The following SLC9A9 variants were observed in gnomAD, a reference collection of about 807,000 sequenced individuals.
SLC9A9 encodes sodium/hydrogen exchanger 9.
SLC9A9 carries 62 observed loss-of-function variants against 77.8 expected under a neutral mutation model. The ratio of observed to expected loss-of-function variants is 0.80; its 90% confidence interval spans 0.65 to 0.98. The LOEUF is 0.98. Ranked by LOEUF, SLC9A9 falls within the 50% of genes least tolerant of loss-of-function variation. The pLI, the probability that SLC9A9 is intolerant of heterozygous loss-of-function variation, is 0.00. For missense variants in SLC9A9, 775 were observed against 774.9 expected (o/e 1.00, Z 0.00); for synonymous variants, 320 against 283.5 (o/e 1.13, Z -1.29).
chr3:143,469,770 C>A (rs1024196195), intron 11 of SLC9A9, among the ~76,000 whole-genome samples: 1 of 152,138 alleles, frequency 6.6e-6, no homozygotes, highest in African/African-American at 2.4e-5. Flanking sequence ...TTATAAAATA[C>A]CTTCAAGGAA....
intron 4 of SLC9A9, among the ~76,000 whole-genome samples, chr3:143,694,922 C>T (rs563969378): frequency 1.9e-4 from 29 of 152,136 alleles, no homozygotes; most frequent in Admixed American, 7.9e-4. Flanking sequence ...GCACAGGGGC[C>T]CAACATTGCT....
At chr3:143,572,603 A>G (rs1016002508) in intron 8 of SLC9A9, among the ~76,000 whole-genome samples, 1 of 152,212 alleles carries the variant, frequency 6.6e-6, no homozygotes, top group Non-Finnish European at 1.5e-5. Context: ...CCTCCTTAAT[A>G]AAGTGGCAAT....
intron 4 of SLC9A9, among the ~76,000 whole-genome samples, chr3:143,757,909 A>G (rs1321844375): frequency 2.6e-5 from 4 of 152,158 alleles, no homozygotes; most frequent in Non-Finnish European, 5.9e-5. Flanking sequence ...AGGCAAGTCA[A>G]TGCAGTCACT....
chr3:143,846,110 A>G (rs2009824629), intron 1 of SLC9A9, among the ~76,000 whole-genome samples: 1 of 152,244 alleles, frequency 6.6e-6, no homozygotes, highest in Non-Finnish European at 1.5e-5. Flanking sequence ...TTTCAGATTC[A>G]AAAGTAAGAG....
chr3:143,517,586 T>C, intron 9 of SLC9A9: 1 of 1,597,552 alleles, frequency 6.3e-7, no homozygotes, highest in South Asian at 1.1e-5. Context: ...ACTAGCATCT[T>C]CATCATAATC....
intron 6 of SLC9A9, among the ~76,000 whole-genome samples, chr3:143,583,977 T>A (rs2037498115): frequency 6.6e-6 from 1 of 151,736 alleles, no homozygotes; most frequent in Non-Finnish European, 1.5e-5. Context: ...ATGCTAGTAA[T>A]GAAGAAGAAG....
intron 12 of SLC9A9, among the ~76,000 whole-genome samples, chr3:143,458,452 T>A (rs956245451): frequency 6.6e-6 from 1 of 152,096 alleles, no homozygotes; most frequent in Non-Finnish European, 1.5e-5. Flanking sequence ...TGTATTTAGA[T>A]CTATCATTTT....
chr3:143,761,478 A>C (rs532098219), intron 4 of SLC9A9, among the ~76,000 whole-genome samples: 1 of 152,330 alleles, frequency 6.6e-6, no homozygotes, highest in South Asian at 2.1e-4. Flanking sequence ...TCTACAATGA[A>C]CTCAAACAAA....
At chr3:143,427,677 G>A (rs1239555248) in intron 12 of SLC9A9, among the ~76,000 whole-genome samples, 2 of 152,216 alleles carry the variant, frequency 1.3e-5, no homozygotes, top group East Asian at 3.8e-4. Flanking sequence ...AGGGCCACAA[G>A]GCAATGGTGT....
chr3:143,539,691 G>C (rs886334924), intron 9 of SLC9A9, among the ~76,000 whole-genome samples: 3 of 152,122 alleles, frequency 2.0e-5, no homozygotes, highest in Admixed American at 6.5e-5. Context: ...TAAGGTAATA[G>C]TGGGCGACCA....
At chr3:143,761,096 A>T (rs2007105901) in intron 4 of SLC9A9, among the ~76,000 whole-genome samples, 2 of 152,230 alleles carry the variant, frequency 1.3e-5, no homozygotes, top group Non-Finnish European at 2.9e-5. Context: ...TGGGGAAAGG[A>T]TTCCCTATTT....
intron 2 of SLC9A9, among the ~76,000 whole-genome samples, chr3:143,812,193 G>C (rs964684554): frequency 6.6e-6 from 1 of 152,208 alleles, no homozygotes; most frequent in East Asian, 1.9e-4. Context: ...GGGTAATTTG[G>C]TAATAGCTAT....
intron 4 of SLC9A9, among the ~76,000 whole-genome samples, chr3:143,703,202 T>A (rs1412614915): frequency 6.6e-6 from 1 of 152,090 alleles, no homozygotes; most frequent in Non-Finnish European, 1.5e-5. Context: ...AGACTTACTC[T>A]ACACTATAGA....
Position 143,266,092 on chromosome 3 carries a change from TAAG to T in SLC9A9, c.*607_*609del. 2.8e-6 allele frequency: 2 copies of T among 702,280 alleles called. No individual in the cohort carries two copies. The highest frequency in any genetic ancestry group is 5.2e-6 in the Non-Finnish European group (2 of 384,796). The allele number at this position is 702,280 out of a possible 1,614,324, so 43.5% of individuals were successfully genotyped here. A position where few individuals can be genotyped will look rare whatever the true frequency, so the allele number is the denominator to read the frequency against. ...CCTTTGAGCGATGGGAGAAGTAGCATAAGAAGGATGCCAAGAAGAACAATAGGT... is the reference window on the plus strand; with the variant it reads ...CCTTTGAGCGATGGGAGAAGTAGCATAAGGATGCCAAGAAGAACAATAGGT... On this transcript the variant is annotated 3_prime_UTR_variant, in exon 16 of 16. Transcript: ENST00000316549.
chr3:143,562,371 A>G (rs2037102072), intron 8 of SLC9A9, among the ~76,000 whole-genome samples: 1 of 152,132 alleles, frequency 6.6e-6, no homozygotes, highest in Admixed American at 6.6e-5. Flanking sequence ...GTGCAGGTTC[A>G]TGGGTAGGGA....
intron 5 of SLC9A9, among the ~76,000 whole-genome samples, chr3:143,664,485 A>C (rs1044176741): frequency 5.3e-5 from 8 of 152,210 alleles, no homozygotes; most frequent in Non-Finnish European, 1.0e-4. Flanking sequence ...AACAATATTA[A>C]CCTGAAATGT....
chr3:143,804,381 A>G (rs936592396), intron 2 of SLC9A9, among the ~76,000 whole-genome samples: 18 of 152,112 alleles, frequency 1.2e-4, no homozygotes, highest in Admixed American at 1.2e-3. Flanking sequence ...GGTTACTCGT[A>G]GACACTCAAC....
chr3:143,273,948 G>C (rs952534912), intron 14 of SLC9A9, among the ~76,000 whole-genome samples: 1 of 152,058 alleles, frequency 6.6e-6, no homozygotes, highest in Non-Finnish European at 1.5e-5. Flanking sequence ...TCATTTTTAG[G>C]GTGAGGACAG....
At chr3:143,664,501 G>A (rs1305290880) in intron 5 of SLC9A9, among the ~76,000 whole-genome samples, 1 of 152,150 alleles carries the variant, frequency 6.6e-6, no homozygotes, top group African/African-American at 2.4e-5. Context: ...AATGTAAATG[G>A]GCTAAATGCT....
Sources: gnomAD v4.1 joint callset for allele counts (sites outside exome capture counted in the v4.1 genomes callset) on GRCh38, gnomAD v4.1.1 for gene constraint, MANE v1.5 for transcripts, NCBI Gene and HGNC (gene_info 2026-07-23, HGNC 2026-07-21) for gene names.